The following SCOC variants were observed in gnomAD, a reference collection of about 807,000 sequenced individuals.
SCOC encodes short coiled coil protein.
SCOC carries 7 observed loss-of-function variants against 9.9 expected under a neutral mutation model. The ratio of observed to expected loss-of-function variants is 0.71; its 90% CI spans 0.40 to 1.33. The LOEUF (loss-of-function observed/expected upper bound fraction) is 1.33, where lower values mean the gene tolerates loss of function less well. Ranked by LOEUF, SCOC falls within the 40% of genes most tolerant of loss-of-function variation. SCOC has a pLI of 0.01. For synonymous variants in SCOC, 19 were observed against 28.2 expected (o/e 0.67, Z 1.03); for missense variants, 66 against 89.7 (o/e 0.74, Z 1.07).
chr4:140,373,666 C>G lies in SCOC; in HGVS notation c.-102C>G. 6.4e-7 allele frequency: 1 copy of G among 1,551,280 alleles called. No homozygotes were observed. Among genetic ancestry groups the G allele is most frequent in the Non-Finnish European group, 8.7e-7 (1 of 1,146,968 alleles). ...CCGGGGTCAGTTGGTCCAAGTGTCC[C>G]GGCCTGAGGTGTCGGCCGGATCCCT... On this transcript the variant is annotated 5_prime_UTR_variant, in exon 1 of 4. Coordinates refer to ENST00000608372, the MANE Select transcript of SCOC (RefSeq NM_001153484.2).
At chr4:140,351,204 A>G (rs925985003) in intron 2 of SCOC, among the ~76,000 whole-genome samples, 2 of 150,634 alleles carry the variant, frequency 1.3e-5, no homozygotes, top group African/African-American at 4.9e-5. Context: ...AAAAAAAAAA[A>G]GAAGAAGAAG....
At chr4:140,280,450 C>T (rs1334290719) in intron 1 of SCOC, among the ~76,000 whole-genome samples, 1 of 152,062 alleles carries the variant, frequency 6.6e-6, no homozygotes, top group Non-Finnish European at 1.5e-5. Flanking sequence ...TTTTACTCAC[C>T]ACTGTGTTTT....
At chr4:140,292,393 T>C (rs1396475800) in intron 1 of SCOC, among the ~76,000 whole-genome samples, 1 of 152,116 alleles carries the variant, frequency 6.6e-6, no homozygotes, top group Non-Finnish European at 1.5e-5. Flanking sequence ...TTTGTCATGT[T>C]AGCTAGGCTG....
chr4:140,269,676 G>A (rs1730800141), intron 1 of SCOC, among the ~76,000 whole-genome samples: 1 of 152,156 alleles, frequency 6.6e-6, no homozygotes, highest in African/African-American at 2.4e-5. Flanking sequence ...TAAGCATTGG[G>A]GTGATTTGTT....
At chr4:140,264,569 T>A (rs956063482) in intron 1 of SCOC, among the ~76,000 whole-genome samples, 1 of 152,136 alleles carries the variant, frequency 6.6e-6, no homozygotes, top group African/African-American at 2.4e-5. Context: ...CTTGAGGTCA[T>A]TTTGGACATT....
chr4:140,310,782 G>A (rs532322743), intron 1 of SCOC, among the ~76,000 whole-genome samples: 129 of 152,226 alleles, frequency 8.5e-4, no homozygotes, highest in African/African-American at 3.0e-3. Context: ...ATCTCCCCCC[G>A]AGGGTGGGTG....
At chr4:140,358,648 A>G (rs114400844) in intron 2 of SCOC, among the ~76,000 whole-genome samples, 1,533 of 152,334 alleles carry the variant, frequency 0.01, 12 homozygotes, top group South Asian at 0.038. Flanking sequence ...CTAGAAAGGT[A>G]CTAGTTATAC....
intron 1 of SCOC, among the ~76,000 whole-genome samples, chr4:140,329,252 G>A (rs949252622): frequency 5.3e-5 from 8 of 152,108 alleles, no homozygotes; most frequent in Admixed American, 3.3e-4. Context: ...GCCACATGTC[G>A]GAGAATGAAA....
At chr4:140,287,627 T>C (rs958094435) in intron 1 of SCOC, among the ~76,000 whole-genome samples, 1 of 152,038 alleles carries the variant, frequency 6.6e-6, no homozygotes, top group African/African-American at 2.4e-5. Flanking sequence ...CACATGCATA[T>C]GCACATGCCA....
chr4:140,359,611 G>C (rs1214422642), intron 2 of SCOC, among the ~76,000 whole-genome samples: 1 of 152,014 alleles, frequency 6.6e-6, no homozygotes, highest in Non-Finnish European at 1.5e-5. Flanking sequence ...CTGGTCCTCT[G>C]GACACAGATT....
At chr4:140,358,225 A>C (rs1727316321) in intron 2 of SCOC, among the ~76,000 whole-genome samples, 1 of 152,236 alleles carries the variant, frequency 6.6e-6, no homozygotes, top group Non-Finnish European at 1.5e-5. Context: ...GGAAAAAGAA[A>C]TCTTTGGCTC....
chr4:140,365,172 CA>C (rs3034544), intron 2 of SCOC, among the ~76,000 whole-genome samples: 125 of 141,520 alleles, frequency 8.8e-4, no homozygotes, highest in African/African-American at 1.5e-3. Flanking sequence ...ATGGATATGG[CA>C]AAAAAAAAAA....
upstream of SCOC, among the ~76,000 whole-genome samples, chr4:140,340,414 T>C (rs2015932): frequency 0.2 from 29,845 of 151,780 alleles, 3,815 homozygotes; most frequent in African/African-American, 0.36. Flanking sequence ...TGTATATATA[T>C]GTAACAAACC....
chr4:140,334,699 T>C (rs2126499259), intron 1 of SCOC, among the ~76,000 whole-genome samples: 1 of 152,312 alleles, frequency 6.6e-6, no homozygotes, highest in Non-Finnish European at 1.5e-5. Context: ...AACTTATTCA[T>C]CTTGCATACC....
At chr4:140,356,887 T>TTAA (rs1560717493) in intron 2 of SCOC, among the ~76,000 whole-genome samples, 1 of 152,178 alleles carries the variant, frequency 6.6e-6, no homozygotes. Flanking sequence ...TCCCAATTTA[T>TTAA]TAAGTGAGTT....
rs72714292 is a variant in SCOC, at chr4:140,320,673, G to A, written c.-18-22948G>A. Reference sequence around the variant, plus strand: ...GTCCTCCAAGATGCTGGCTGGAGAAGGGGAATAGCAGCCACTGCCCAAACA... The same window carrying A: ...GTCCTCCAAGATGCTGGCTGGAGAAAGGGAATAGCAGCCACTGCCCAAACA... On this transcript the variant is annotated intron_variant, in intron 1 of 4. Coordinates refer to the SCOC transcript ENST00000394205. 4.8e-3 allele frequency among the ~76,000 whole-genome samples: 734 copies of A among 152,274 alleles called. 3 individuals are homozygous for A. The highest frequency in any genetic ancestry group is 9.0e-3 in the Non-Finnish European group (610 of 68,030).
intron 2 of SCOC, among the ~76,000 whole-genome samples, chr4:140,349,118 T>C (rs1226534143): frequency 6.6e-6 from 1 of 152,192 alleles, no homozygotes; most frequent in Non-Finnish European, 1.5e-5. Context: ...TTTACTTTCC[T>C]CTTAACTCTG....
chr4:140,351,139 G>A (rs1178745471), intron 2 of SCOC, among the ~76,000 whole-genome samples: 1 of 151,492 alleles, frequency 6.6e-6, no homozygotes, highest in Non-Finnish European at 1.5e-5. Flanking sequence ...GCAGTGAGCC[G>A]AGATCGCGCC....
chr4:140,372,558 GC>G (rs1433382622), upstream of SCOC, among the ~76,000 whole-genome samples: 3 of 151,918 alleles, frequency 2.0e-5, no homozygotes, highest in East Asian at 5.8e-4. Context: ...CATTTATTTA[GC>G]TCCTACATTG....
Sources: allele counts gnomAD v4.1 joint callset (sites outside exome capture counted in the v4.1 genomes callset), GRCh38; gene constraint gnomAD v4.1.1; transcripts MANE v1.5; gene names NCBI Gene and HGNC (gene_info 2026-07-23, HGNC 2026-07-21).